The following CDC40 variants were observed in gnomAD, a reference collection of about 807,000 sequenced individuals.
CDC40 encodes the protein cell division cycle 40.
CDC40 carries 27 observed loss-of-function variants against 80.6 expected under a neutral mutation model. That is an observed-to-expected ratio of 0.33 (90% CI 0.25 to 0.46). The LOEUF (loss-of-function observed/expected upper bound fraction) is 0.46, where lower values mean the gene tolerates loss of function less well. CDC40 is among the 20% of genes least tolerant of loss of function. The pLI, the probability that CDC40 is intolerant of heterozygous loss-of-function variation, is 1.00. For synonymous variants in CDC40, 221 were observed against 232.6 expected, an observed-to-expected ratio of 0.95 and a Z score of 0.45; for missense variants, 486 against 694.1, an observed-to-expected ratio of 0.70 and a Z score of 3.37.
intron 13 of CDC40, 108 bp from the exon 14 acceptor site, chr6:110,228,724 G>C (rs1168676281): frequency 1.3e-6 from 1 of 788,356 alleles, no homozygotes; most frequent in Non-Finnish European, 1.9e-6. Context: ...GTATTATAAA[G>C]TATTTGGGAG....
intron 3 of CDC40, among the ~76,000 whole-genome samples, chr6:110,206,843 C>T (rs961143617): frequency 4.6e-5 from 7 of 152,102 alleles, no homozygotes; most frequent in African/African-American, 1.7e-4. Context: ...GCATCATGTA[C>T]ATGTATTTTC....
intron 13 of CDC40, among the ~76,000 whole-genome samples, chr6:110,226,540 CCTCCTCTCCCCTCCT>C (rs1343191663): frequency 3.3e-5 from 5 of 149,800 alleles, no homozygotes; most frequent in Non-Finnish European, 5.9e-5. Flanking sequence ...TTTCTTTTCC[CCTCCTCTCCCCTCCT>C]CTCCTCTCCC....
intron 3 of CDC40, among the ~76,000 whole-genome samples, chr6:110,202,279 A>C (rs1033525536): frequency 1.3e-5 from 2 of 152,308 alleles, no homozygotes; most frequent in South Asian, 4.1e-4. Context: ...TAGACTTAGA[A>C]TGTACCAAAT....
In CDC40 at chr6:110,226,224, A is replaced by C. The variant is rs1330540446; in HGVS notation, c.1398A>C (p.Ala466=). 1 of 1,603,388 alleles carries C rather than the reference A, an allele frequency of 6.2e-7. No homozygotes were observed. Among genetic ancestry groups the C allele is most frequent in the Admixed American group, 1.7e-5 (1 of 59,894 alleles). ...IAEPSMHSMP[A]VTLSPNGKWL... ...AACCCAGTATGCACTCAATGCCTGC[A>C]GTGACTTTGTCTCCAAATGGTGAGT... Residue 466 remains alanine (A), a synonymous_variant, in exon 13 of 15, where the codon GCA becomes GCC. Transcript: ENST00000307731.
Position 110,219,945 on chromosome 6 carries a change from G to A in CDC40, c.1340+76G>A, listed in dbSNP as rs1034812063. 6.2e-6 allele frequency: 9 copies of A among 1,444,928 alleles called. No homozygotes were observed. The African/African-American group carries it at 1.0e-4, about 16-fold the overall frequency. The allele number at this position is 1,444,928 out of a possible 1,614,324, so 89.5% of individuals were successfully genotyped here. A position where few individuals can be genotyped will look rare whatever the true frequency, so the allele number is the denominator to read the frequency against. ...AATTATATAGACAAAGATGAAGCCT[G>A]ATAATATGCAACCATTTGAATATTT... On this transcript the variant is annotated intron_variant, in intron 12 of 14. Coordinates refer to ENST00000307731, the MANE Select transcript of CDC40 (RefSeq NM_015891.3).
At chr6:110,186,923 C>A (rs1777280024) in intron 1 of CDC40, among the ~76,000 whole-genome samples, 1 of 152,164 alleles carries the variant, frequency 6.6e-6, no homozygotes, top group Non-Finnish European at 1.5e-5. Context: ...TTCTGGAACG[C>A]CAATTACACA....
At chr6:110,206,169 G>C (rs370155296) in intron 3 of CDC40, among the ~76,000 whole-genome samples, 2 of 151,850 alleles carry the variant, frequency 1.3e-5, no homozygotes, top group African/African-American at 4.8e-5. Context: ...ATGGAGTCTC[G>C]CTCTGTCGCC....
At chr6:110,206,649 T>C (rs1584072943) in intron 3 of CDC40, among the ~76,000 whole-genome samples, 1 of 152,328 alleles carries the variant, frequency 6.6e-6, no homozygotes. Context: ...ATTGATGAAA[T>C]AGAAATATAT....
At position 110,217,713 on chromosome 6, in the gene CDC40, G is replaced by T. The variant is rs1562206224; in HGVS notation, c.1000G>T (p.Ala334Ser). ...CLRTFIGHSK[A>S]VRDICFNTAG... is the part of the protein sequence containing the mutation. ...GACTCCACCTTTAGGTCACAGTAAG[G>T]CTGTTAGGGATATCTGCTTCAATAC... Residue 334 changes from alanine (A) to serine (S), a missense_variant, in exon 10 of 15, where the codon GCT (alanine) becomes TCT (serine). By Grantham distance (99) the Ala-to-Ser change is moderately conservative. Transcript: ENST00000307731. 1.3e-6 allele frequency: 2 copies of T among 1,565,686 alleles called. No homozygotes were observed. The highest frequency in any genetic ancestry group is 8.8e-7 in the Non-Finnish European group (1 of 1,136,088).
At chr6:110,182,059 G>A (rs1386709674) in intron 1 of CDC40, among the ~76,000 whole-genome samples, 1 of 152,170 alleles carries the variant, frequency 6.6e-6, no homozygotes, top group African/African-American at 2.4e-5. Flanking sequence ...ACCGTGAAAT[G>A]GTTAGCACAG....
At chr6:110,198,074 C>T (rs937817885) in intron 2 of CDC40, among the ~76,000 whole-genome samples, 2 of 151,958 alleles carry the variant, frequency 1.3e-5, no homozygotes, top group Non-Finnish European at 1.5e-5. Context: ...TACCCTTTAT[C>T]GTTTTTATAA....
chr6:110,226,078 T>C (rs1341669457), intron 12 of CDC40, 89 bp from the exon 13 acceptor site: 1 of 710,002 alleles, frequency 1.4e-6, no homozygotes, highest in East Asian at 2.6e-5. Context: ...AGTTTGCTTT[T>C]ATTTGCATAT....
intron 12 of CDC40, among the ~76,000 whole-genome samples, chr6:110,220,832 T>C (rs1191667421): frequency 6.6e-6 from 1 of 152,146 alleles, no homozygotes; most frequent in Non-Finnish European, 1.5e-5. Flanking sequence ...TCAGATCTCA[T>C]GTGACTTACT....
At chr6:110,211,818 A>G (rs775672984) in intron 6 of CDC40, 1 of 182,618 alleles carries the variant, frequency 5.5e-6, no homozygotes, top group African/African-American at 2.3e-5. Flanking sequence ...TTCCCTTGCT[A>G]TAATTATGCC....
intron 12 of CDC40, chr6:110,224,183 A>G (rs1777819066): frequency 6.6e-6 from 1 of 152,130 alleles, no homozygotes; most frequent in Non-Finnish European, 1.5e-5. Flanking sequence ...TCCAGAAGGC[A>G]TTTATTTTGG....
chr6:110,181,438 G>C (rs1319339559), intron 1 of CDC40, among the ~76,000 whole-genome samples: 1 of 151,960 alleles, frequency 6.6e-6, no homozygotes, highest in Non-Finnish European at 1.5e-5. Context: ...AGAGCCCGAG[G>C]TAGGTGATCA....
chr6:110,217,300 C>T (rs1777712974), intron 9 of CDC40, among the ~76,000 whole-genome samples: 1 of 152,176 alleles, frequency 6.6e-6, no homozygotes, highest in South Asian at 2.1e-4. Flanking sequence ...TGAGAGTGAA[C>T]CTCCAAAATT....
chr6:110,181,556 A>G (rs558799084), intron 1 of CDC40, among the ~76,000 whole-genome samples: 2 of 152,364 alleles, frequency 1.3e-5, no homozygotes, highest in African/African-American at 4.8e-5. Context: ...AACAAGCTGT[A>G]TGTGAATTTT....
At position 110,216,517 on chromosome 6, in the gene CDC40, C is replaced by T. The variant is rs569492049; in HGVS notation, c.989-1185C>T. 5.9e-5 allele frequency among the ~76,000 whole-genome samples: 9 copies of T among 152,258 alleles called. No homozygotes were observed. The East Asian group carries it at 1.7e-3, about 29-fold the overall frequency. On this transcript the variant is annotated intron_variant, in intron 9 of 14. Transcript: ENST00000307731. ...GTGGATTTGGTCCGCATCTGTCTCC[C>T]CTCTACTGGCAGACCATTTTTCTGT...
Sources: gnomAD v4.1 joint callset for allele counts (sites outside exome capture counted in the v4.1 genomes callset) on GRCh38, gnomAD v4.1.1 for gene constraint, MANE v1.5 for transcripts, NCBI Gene and HGNC (gene_info 2026-07-23, HGNC 2026-07-21) for gene names.